Variants in CSMD1 observed in about 807,000 individuals in gnomAD.
CSMD1 encodes the protein CUB and Sushi multiple domains 1.
CSMD1 carries 213 observed loss-of-function variants against 417.5 expected under a neutral mutation model. That is an observed-to-expected ratio of 0.51 (90% confidence interval 0.46 to 0.57). The LOEUF is 0.57. CSMD1 is among the 20% of genes least tolerant of loss of function. The pLI is 0.00. For synonymous variants in CSMD1, 2,862 were observed against 1,736.8 expected (o/e 1.65, Z -16.11); for missense variants, 6,923 against 4,529.7 (o/e 1.53, Z -15.17).
chr8:4,941,645 C>A (rs1403326630), intron 1 of CSMD1, among the ~76,000 whole-genome samples: 1 of 151,398 alleles, frequency 6.6e-6, no homozygotes, highest in African/African-American at 2.4e-5. Context: ...GTCACCCAGG[C>A]TGGGGTACAG....
At chr8:3,941,922 G>A (rs1810911474) in intron 5 of CSMD1, among the ~76,000 whole-genome samples, 1 of 152,142 alleles carries the variant, frequency 6.6e-6, no homozygotes, top group Non-Finnish European at 1.5e-5. Context: ...CAGGAGGTGA[G>A]CAGTGGGCCA....
intron 2 of CSMD1, among the ~76,000 whole-genome samples, chr8:4,591,960 G>C (rs1397401470): frequency 1.3e-5 from 2 of 152,078 alleles, no homozygotes; most frequent in African/African-American, 2.4e-5. Context: ...CAAACGCCTA[G>C]ATAGATGGAG....
At chr8:3,183,194 T>G (rs1020228704) in intron 36 of CSMD1, 1 of 116,704 alleles carries the variant, frequency 8.6e-6, no homozygotes, top group Admixed American at 8.7e-5. Context: ...CTAATCTATC[T>G]ATCCCTGAAA....
At chr8:4,993,767 C>T (rs1563950804) in intron 1 of CSMD1, among the ~76,000 whole-genome samples, 1 of 152,198 alleles carries the variant, frequency 6.6e-6, no homozygotes, top group Non-Finnish European at 1.5e-5. Context: ...CTACTCCTCG[C>T]CGGCTGAGGA....
rs1797828925 is a variant in CSMD1 at position 3,215,479 on chromosome 8, G to C, written c.4673-788C>G. On this transcript the variant is annotated intron_variant, in intron 29 of 69. Coordinates refer to ENST00000635120, the MANE Select transcript of CSMD1 (RefSeq NM_033225.6). The stretch of plus-strand genomic sequence containing the variant: ...TCTCCAGGACACCTCTGCCAGGAAA[G>C]GATCATAAGAATGTAAAACTCAAGG... 5.3e-5 allele frequency among the ~76,000 whole-genome samples: 8 copies of C among 152,150 alleles called. 1 individual carries two copies. In the South Asian group the frequency reaches 1.7e-3, roughly 32 times the overall value.
rs538712655 is a variant in CSMD1, at chr8:3,856,816, G to C, written c.819-102774C>G. Among the ~76,000 whole-genome samples, 5 of 152,114 alleles carry C rather than the reference G, an allele frequency of 3.3e-5. No individual in the cohort carries two copies. In the East Asian group the frequency reaches 7.7e-4, roughly 24 times the overall value. On this transcript the variant is annotated intron_variant, in intron 5 of 69. Coordinates refer to ENST00000635120, the MANE Select transcript of CSMD1 (RefSeq NM_033225.6). ...AGATACAGGCTACTCCCTCAGGCTGGGGCCCAAAGTTAACAGAACAGGCAA... is the reference window on the plus strand; with the variant it reads ...AGATACAGGCTACTCCCTCAGGCTGCGGCCCAAAGTTAACAGAACAGGCAA...
intron 5 of CSMD1, among the ~76,000 whole-genome samples, chr8:3,848,091 A>C (rs966487538): frequency 7.4e-5 from 8 of 108,034 alleles, no homozygotes; most frequent in African/African-American, 1.4e-4. Flanking sequence ...CTCTCTCTCT[A>C]AATATATATA....
At chr8:3,353,842 G>A (rs949433660) in intron 21 of CSMD1, among the ~76,000 whole-genome samples, 2 of 152,160 alleles carry the variant, frequency 1.3e-5, no homozygotes, top group African/African-American at 4.8e-5. Flanking sequence ...TTGTCACTTA[G>A]ATTTTTGCAA....
At chr8:3,178,256 G>A (rs1821065273) in intron 37 of CSMD1, among the ~76,000 whole-genome samples, 1 of 152,094 alleles carries the variant, frequency 6.6e-6, no homozygotes, top group Admixed American at 6.6e-5. Flanking sequence ...CCATTTGGAT[G>A]TACTATGGTT....
intron 1 of CSMD1, among the ~76,000 whole-genome samples, chr8:4,883,384 G>A (rs1803536564): frequency 6.6e-6 from 1 of 151,972 alleles, no homozygotes; most frequent in African/African-American, 2.4e-5. Context: ...ATACGTTTCA[G>A]TGGTTTTCAG....
intron 7 of CSMD1, among the ~76,000 whole-genome samples, chr8:3,669,066 C>G (rs896113454): frequency 6.6e-6 from 1 of 152,070 alleles, no homozygotes; most frequent in Admixed American, 6.6e-5. Flanking sequence ...AACTAAGGAA[C>G]GACCCCACTA....
chr8:3,997,539 T>C (rs1184009305), intron 5 of CSMD1, among the ~76,000 whole-genome samples: 2 of 152,214 alleles, frequency 1.3e-5, no homozygotes, highest in Non-Finnish European at 1.5e-5. Flanking sequence ...CAATTCTCGC[T>C]AACGTGAGAT....
intron 37 of CSMD1, among the ~76,000 whole-genome samples, chr8:3,167,701 C>G (rs1380710061): frequency 6.6e-6 from 1 of 152,142 alleles, no homozygotes; most frequent in Non-Finnish European, 1.5e-5. Context: ...TAAAACACAG[C>G]CATTAAGAAG....
chr8:4,782,147 T>C (rs573684315), intron 1 of CSMD1, among the ~76,000 whole-genome samples: 29 of 152,290 alleles, frequency 1.9e-4, no homozygotes, highest in Admixed American at 1.4e-3. Flanking sequence ...GGTTGCTCAA[T>C]GGGTACAAAG....
intron 1 of CSMD1, among the ~76,000 whole-genome samples, chr8:4,699,343 G>C (rs376428894): frequency 6.6e-6 from 1 of 152,108 alleles, no homozygotes; most frequent in Non-Finnish European, 1.5e-5. Context: ...TAAGAAAATT[G>C]TTTCCAAACC....
At chr8:2,967,041 G>T (rs1179117048) in intron 57 of CSMD1, among the ~76,000 whole-genome samples, 2 of 152,186 alleles carry the variant, frequency 1.3e-5, no homozygotes, top group Non-Finnish European at 2.9e-5. Context: ...GTTATTCAGG[G>T]ACTGAATGTT....
chr8:3,710,001 C>A (rs562942840), intron 6 of CSMD1, among the ~76,000 whole-genome samples: 1 of 151,882 alleles, frequency 6.6e-6, no homozygotes, highest in Admixed American at 6.6e-5. Flanking sequence ...TCTTTTGGCT[C>A]CCCCAAAAAC....
At chr8:4,899,389 T>C (rs556444530) in intron 1 of CSMD1, among the ~76,000 whole-genome samples, 36 of 152,284 alleles carry the variant, frequency 2.4e-4, no homozygotes, top group African/African-American at 8.7e-4. Flanking sequence ...TGAGGAATTA[T>C]TTGGAAGGAT....
intron 1 of CSMD1, among the ~76,000 whole-genome samples, chr8:4,814,918 G>C (rs576243085): frequency 6.6e-6 from 1 of 152,104 alleles, no homozygotes; most frequent in Non-Finnish European, 1.5e-5. Context: ...TACGTATTTG[G>C]TTGAATAAAC....
Sources: allele counts gnomAD v4.1 joint callset (sites outside exome capture counted in the v4.1 genomes callset), GRCh38; gene constraint gnomAD v4.1.1; transcripts MANE v1.5; gene names NCBI Gene and HGNC (gene_info 2026-07-23, HGNC 2026-07-21).